SPRED2: variants seen among roughly 807,000 people sequenced by gnomAD.
SPRED2 encodes the protein sprouty-related, EVH1 domain-containing protein 2.
Under a neutral mutation model 43.0 loss-of-function variants are expected in SPRED2, and 47 were observed. The observed-to-expected ratio is 1.09, with a 90% CI of 0.87 to 1.40. SPRED2 has a LOEUF of 1.40. Ranked by LOEUF, SPRED2 falls within the 40% of genes most tolerant of loss-of-function variation. The probability of loss-of-function intolerance (pLI) is 0.00; values close to 1 mark genes in which losing one functional copy is unlikely to be tolerated. For synonymous variants in SPRED2, 225 were observed against 225.7 expected, an observed-to-expected ratio of 1.00 and a Z score of 0.03; for missense variants, 561 against 586.4, an observed-to-expected ratio of 0.96 and a Z score of 0.45.
intron 1 of SPRED2, among the ~76,000 whole-genome samples, chr2:65,352,014 C>T (rs909373312): frequency 1.4e-4 from 22 of 152,212 alleles, no homozygotes; most frequent in African/African-American, 5.1e-4. Context: ...AGGTAGAACA[C>T]TTGCTCTACA....
intron 4 of SPRED2, among the ~76,000 whole-genome samples, chr2:65,322,434 T>C (rs1310391541): frequency 1.3e-5 from 2 of 151,262 alleles, no homozygotes; most frequent in Admixed American, 6.6e-5. Context: ...GCTGGGACTA[T>C]AGGCACTTGC....
At chr2:65,414,075 A>G (rs1217368040) in intron 1 of SPRED2, among the ~76,000 whole-genome samples, 1 of 152,254 alleles carries the variant, frequency 6.6e-6, no homozygotes, top group Non-Finnish European at 1.5e-5. Context: ...ACATGCTACT[A>G]GTAAAACTAC....
rs776512353 is a variant in SPRED2, at chr2:65,401,937, G to GCGCGCGCACACACACACACA, written c.26+30024_26+30025insTGTGTGTGTGTGTGCGCGCG. ...ACGATCAGAATATTAGCGCGCGCGC[G>GCGCGCGCACACACACACACA]CACACACACACACACACACACACAC... On this transcript the variant is annotated intron_variant, in intron 1 of 5. Transcript: ENST00000356388. Among the ~76,000 whole-genome samples, 174 of 114,746 alleles carry GCGCGCGCACACACACACACA rather than the reference G, an allele frequency of 1.5e-3. 1 individual carries two copies. Among genetic ancestry groups the GCGCGCGCACACACACACACA allele is most frequent in the Non-Finnish European group, 2.4e-3 (131 of 53,638 alleles). 75.3% of individuals were successfully genotyped at this position (114,746 alleles called of 152,430 possible).
At chr2:65,423,623 G>A (rs995271514) in intron 1 of SPRED2, among the ~76,000 whole-genome samples, 2 of 152,182 alleles carry the variant, frequency 1.3e-5, no homozygotes, top group African/African-American at 4.8e-5. Flanking sequence ...GCCTTGTAAA[G>A]TTCATGGATC....
Position 65,312,710 on chromosome 2 carries a change from G to C in SPRED2, c.*791C>G, listed in dbSNP as rs1558644173. The C allele has an allele frequency of 1.0e-6, 1 of 985,846 alleles. No individual in the cohort carries two copies. Among genetic ancestry groups the C allele is most frequent in the East Asian group, 1.1e-4 (1 of 8,820 alleles). The allele number at this position is 985,846 out of a possible 1,614,324, so 61.1% of individuals were successfully genotyped here. A position where few individuals can be genotyped will look rare whatever the true frequency, so the allele number is the denominator to read the frequency against. On this transcript the variant is annotated 3_prime_UTR_variant, in exon 6 of 6. Coordinates refer to ENST00000356388, the MANE Select transcript of SPRED2 (RefSeq NM_181784.3). ...AACCTGAAATCCCCATTCTAGCCCT[G>C]GTCCAAGAGGATGCAATGCAGTTGA...
rs144751405 is a variant in SPRED2, at chr2:65,404,848, T to C, written c.26+27114A>G. Among the ~76,000 whole-genome samples, 416 of 152,328 alleles carry C rather than the reference T, an allele frequency of 2.7e-3. 3 individuals are homozygous for C. Among genetic ancestry groups the C allele is most frequent in the African/African-American group, 9.2e-3 (382 of 41,570 alleles). On this transcript the variant is annotated intron_variant, in intron 1 of 5. Transcript: ENST00000356388. ...CCAGCATGAACAGACCACCTTTCCC[T>C]TCTGCCAAACAAACACCTCCCCCAA...
chr2:65,326,293 C>A (rs550081558), intron 4 of SPRED2, among the ~76,000 whole-genome samples: 16 of 152,256 alleles, frequency 1.1e-4, no homozygotes, highest in African/African-American at 3.6e-4. Context: ...CTGGCTCAGA[C>A]TGGATGAGTT....
chr2:65,371,652 G>C (rs1040526994), intron 1 of SPRED2, among the ~76,000 whole-genome samples: 12 of 152,104 alleles, frequency 7.9e-5, no homozygotes, highest in Non-Finnish European at 1.6e-4. Context: ...GCTGGCAGAG[G>C]GGGTAAAATA....
At chr2:65,352,752 T>A (rs1674546963) in intron 1 of SPRED2, among the ~76,000 whole-genome samples, 1 of 152,130 alleles carries the variant, frequency 6.6e-6, no homozygotes, top group Admixed American at 6.5e-5. Context: ...GCCTCTCGAG[T>A]AGCTGGGATT....
chr2:65,369,153 T>C (rs931493809), intron 1 of SPRED2, among the ~76,000 whole-genome samples: 6 of 152,162 alleles, frequency 3.9e-5, no homozygotes, highest in African/African-American at 1.2e-4. Context: ...TTGAAAAATA[T>C]TGGACCATAA....
chr2:65,345,301 T>C (rs2104269583), intron 1 of SPRED2, among the ~76,000 whole-genome samples: 1 of 150,070 alleles, frequency 6.7e-6, no homozygotes, highest in South Asian at 2.2e-4. Flanking sequence ...TTCGCTCTTG[T>C]TGCCCAGGCT....
At chr2:65,337,104 T>TC (rs1673989182) in intron 2 of SPRED2, among the ~76,000 whole-genome samples, 1 of 151,410 alleles carries the variant, frequency 6.6e-6, no homozygotes, top group South Asian at 2.1e-4. Flanking sequence ...CAAGACTCTG[T>TC]CTCAAAAAAA....
rs777578661 is a variant in SPRED2 at position 65,313,479 on chromosome 2, G to A, written c.*22C>T. 1.3e-6 allele frequency: 2 copies of A among 1,579,498 alleles called. No homozygotes were observed. The highest frequency in any genetic ancestry group is 8.6e-7 in the Non-Finnish European group (1 of 1,163,656). The stretch of plus-strand genomic sequence containing the variant: ...GAGTTCCCCTGTGGCTGCGGATGGA[G>A]GGAGAAGGGAGGGAAACTGAGTCAC... On this transcript the variant is annotated 3_prime_UTR_variant, in exon 6 of 6. Transcript: ENST00000356388.
At chr2:65,358,766 C>T (rs1674725864) in intron 1 of SPRED2, among the ~76,000 whole-genome samples, 1 of 152,184 alleles carries the variant, frequency 6.6e-6, no homozygotes, top group Non-Finnish European at 1.5e-5. Flanking sequence ...CAATCCAGCC[C>T]ACGAAAGCCC....
chr2:65,401,937 G>GCGCGCGCACGCACACA, intron 1 of SPRED2, among the ~76,000 whole-genome samples: 1 of 114,762 alleles, frequency 8.7e-6, no homozygotes, highest in African/African-American at 3.4e-5. Flanking sequence ...GCGCGCGCGC[G>GCGCGCGCACGCACACA]CACACACACA....
rs575261574 is a variant in SPRED2 at position 65,402,382 on chromosome 2, C to T, written c.26+29580G>A. 4.0e-5 allele frequency among the ~76,000 whole-genome samples: 6 copies of T among 151,706 alleles called. No individual in the cohort carries two copies. The South Asian group carries it at 1.0e-3, about 26-fold the overall frequency. ...TGCCATCTGTCAAGTCAGGAAAGGCCGGGTAAGCGGGCTGCCCACTGTAGG... is the reference window on the plus strand; with the variant it reads ...TGCCATCTGTCAAGTCAGGAAAGGCTGGGTAAGCGGGCTGCCCACTGTAGG... On this transcript the variant is annotated intron_variant, in intron 1 of 5. Coordinates refer to ENST00000356388, the MANE Select transcript of SPRED2 (RefSeq NM_181784.3).
intron 1 of SPRED2, among the ~76,000 whole-genome samples, chr2:65,422,114 TCTCTCTC>T (rs1676443170): frequency 3.2e-5 from 4 of 123,168 alleles, no homozygotes; most frequent in Non-Finnish European, 7.2e-5. Flanking sequence ...ACTCTCTCTC[TCTCTCTC>T]TCTCTCTCTC....
intron 1 of SPRED2, among the ~76,000 whole-genome samples, chr2:65,401,926 A>AGC (rs143714447): frequency 0.088 from 10,740 of 121,818 alleles, 562 homozygotes; most frequent in Admixed American, 0.1. Flanking sequence ...TCAGAATATT[A>AGC]GCGCGCGCGC....
At chr2:65,352,329 T>C (rs1048238367) in intron 1 of SPRED2, among the ~76,000 whole-genome samples, 2 of 152,246 alleles carry the variant, frequency 1.3e-5, no homozygotes, top group African/African-American at 4.8e-5. Context: ...AGGTGAAAAG[T>C]GGGCTAAGAT....
Sources: allele counts gnomAD v4.1 joint callset (sites outside exome capture counted in the v4.1 genomes callset), GRCh38; gene constraint gnomAD v4.1.1; transcripts MANE v1.5; gene names NCBI Gene and HGNC (gene_info 2026-07-23, HGNC 2026-07-21).